The following FABP6 variants were observed in gnomAD, a reference collection of about 807,000 sequenced individuals.
FABP6 encodes gastrotropin.
In FABP6, 13 loss-of-function variants were observed where a neutral mutation model predicts 14.9. The ratio of observed to expected loss-of-function variants is 0.87; its 90% confidence interval spans 0.57 to 1.39. FABP6 has a LOEUF of 1.39. Among genes scored for constraint, FABP6 ranks in the 40% most tolerant of loss-of-function variants. FABP6 has a pLI of 0.00. For missense variants in FABP6, 161 were observed against 167.2 expected (o/e 0.96, Z 0.20); for synonymous variants, 75 against 63.6 (o/e 1.18, Z -0.85).
At chr5:160,238,113 TC>T (rs1051824856) in intron 3 of FABP6, among the ~76,000 whole-genome samples, 4 of 151,770 alleles carry the variant, frequency 2.6e-5, no homozygotes, top group Non-Finnish European at 5.9e-5. Context: ...AAGAACAGCA[TC>T]CCCCCCGCCT....
intron 1 of FABP6, among the ~76,000 whole-genome samples, chr5:160,229,970 T>C (rs1038528168): frequency 6.6e-6 from 1 of 151,490 alleles, no homozygotes; most frequent in Admixed American, 6.6e-5. Flanking sequence ...GGCTCCCACG[T>C]TCAAGTAATT....
intron 2 of FABP6, among the ~76,000 whole-genome samples, chr5:160,201,626 A>G (rs870517): frequency 1.4e-5 from 2 of 148,116 alleles, no homozygotes; most frequent in African/African-American, 2.5e-5. Flanking sequence ...GCCAGGTGGG[A>G]TTCCCTCTCC....
intron 2 of FABP6, among the ~76,000 whole-genome samples, chr5:160,200,226 G>A (rs1759606247): frequency 6.6e-6 from 1 of 152,136 alleles, no homozygotes; most frequent in Admixed American, 6.6e-5. Context: ...TTAGCACTGT[G>A]CCTGCAGTTA....
chr5:160,230,134 C>G (rs560050287), intron 1 of FABP6, among the ~76,000 whole-genome samples: 2 of 151,586 alleles, frequency 1.3e-5, no homozygotes, highest in Non-Finnish European at 2.9e-5. Flanking sequence ...CCACCCAGCT[C>G]GACCTCCCAA....
chr5:160,234,402 T>A (rs1272934675), intron 2 of FABP6, among the ~76,000 whole-genome samples: 34 of 87,462 alleles, frequency 3.9e-4, no homozygotes, highest in African/African-American at 1.4e-3. Context: ...TTTTTTTTTT[T>A]ACCTACAACT....
chr5:160,192,071 G>T (rs910046042), intron 1 of FABP6, among the ~76,000 whole-genome samples: 3 of 151,074 alleles, frequency 2.0e-5, no homozygotes, highest in Non-Finnish European at 4.4e-5. Flanking sequence ...ACTTGCCAGG[G>T]AGCCATATCC....
chr5:160,223,707 G>A (rs1035277059), intron 3 of FABP6, among the ~76,000 whole-genome samples: 24 of 151,520 alleles, frequency 1.6e-4, no homozygotes, highest in Admixed American at 3.3e-4. Flanking sequence ...GATTACAGGC[G>A]TGAGCTGCTG....
At chr5:160,207,060 A>G (rs1383545774) in intron 2 of FABP6, among the ~76,000 whole-genome samples, 5 of 152,226 alleles carry the variant, frequency 3.3e-5, no homozygotes, top group Non-Finnish European at 7.3e-5. Flanking sequence ...TTTTTTTCCC[A>G]TTTATGCCAC....
chr5:160,201,505 T>A (rs1759639361), intron 2 of FABP6, among the ~76,000 whole-genome samples: 1 of 152,144 alleles, frequency 6.6e-6, no homozygotes, highest in Non-Finnish European at 1.5e-5. Flanking sequence ...GTGAATGTAT[T>A]ACCTATTTAA....
chr5:160,237,240 TG>T (rs1561758752), intron 3 of FABP6, among the ~76,000 whole-genome samples: 1 of 151,972 alleles, frequency 6.6e-6, no homozygotes, highest in East Asian at 1.9e-4. Flanking sequence ...ACAAGAGAAT[TG>T]ATCTTCCCAA....
chr5:160,213,947 T>C, intron 3 of FABP6: 1 of 749,010 alleles, frequency 1.3e-6, no homozygotes, highest in Non-Finnish European at 2.3e-6. Context: ...GTTAGAATAT[T>C]AGGTTGCACC....
intron 1 of FABP6, chr5:160,198,892 G>C: frequency 1.8e-6 from 1 of 570,406 alleles, no homozygotes; most frequent in Non-Finnish European, 3.1e-6. Context: ...TTAATTCCTG[G>C]AGGGCAGGGA....
intron 1 of FABP6, chr5:160,198,191 A>G (rs1302227296): frequency 6.6e-6 from 1 of 151,832 alleles, no homozygotes; most frequent in Non-Finnish European, 1.5e-5. Flanking sequence ...ATCTGGCTAC[A>G]TAGTCTGGAG....
chr5:160,228,261 C>T (rs1162706744), upstream of FABP6, among the ~76,000 whole-genome samples: 2 of 151,990 alleles, frequency 1.3e-5, no homozygotes, highest in African/African-American at 2.4e-5. Context: ...TGTGGTGGTG[C>T]ATGCCTGTAA....
At position 160,223,772 on chromosome 5, in the gene FABP6, A is replaced by G. The variant is rs184250118; in HGVS notation, c.136-5774A>G. Among the ~76,000 whole-genome samples the G allele has an allele frequency of 7.7e-4, 116 of 151,480 alleles. 2 individuals are homozygous for G. In the Middle Eastern group the frequency reaches 0.017, roughly 23 times the overall value. The stretch of plus-strand genomic sequence containing the variant: ...ATTCCCCATCTCTCTTTCCCTCCTC[A>G]GGCCTTCTTATTCCCTGAGACACAA... On this transcript the variant is annotated intron_variant, in intron 3 of 6. Transcript: ENST00000393980.
rs566693820 is a variant in FABP6, at chr5:160,229,637, C to G, written c.67+13C>G. 5 of 1,613,078 alleles carry G rather than the reference C, an allele frequency of 3.1e-6. No individual in the cohort carries two copies. The highest frequency in any genetic ancestry group is 4.2e-6 in the Non-Finnish European group (5 of 1,179,264). On this transcript the variant is annotated intron_variant, in intron 1 of 3. Coordinates refer to ENST00000402432, the MANE Select transcript of FABP6 (RefSeq NM_001445.3). ...ATGAAGCTCCTTGGTGAGTGAGCTC[C>G]TGGGTATCCCTTCCTCGGGGTTGGT...
chr5:160,229,740 C>T, intron 1 of FABP6, 116 bp downstream of exon 1: 4 of 820,106 alleles, frequency 4.9e-6, no homozygotes, highest in Non-Finnish European at 7.9e-6. Flanking sequence ...CTCACTCACT[C>T]ATTCATTCAT....
chr5:160,202,582 G>A (rs577579276), intron 2 of FABP6, among the ~76,000 whole-genome samples: 1 of 152,182 alleles, frequency 6.6e-6, no homozygotes, highest in South Asian at 2.1e-4. Context: ...AAATCACGAG[G>A]TCAGGAGATC....
chr5:160,224,812 C>T (rs1369753416), upstream of FABP6, among the ~76,000 whole-genome samples: 3 of 150,450 alleles, frequency 2.0e-5, no homozygotes, highest in Non-Finnish European at 4.4e-5. Context: ...CAGTCTTACT[C>T]TGTCCCCCAG....
Sources: allele counts gnomAD v4.1 joint callset (sites outside exome capture counted in the v4.1 genomes callset), GRCh38; gene constraint gnomAD v4.1.1; transcripts MANE v1.5; gene names NCBI Gene and HGNC (gene_info 2026-07-23, HGNC 2026-07-21).